Variants in ANGEL1 observed in about 807,000 individuals in gnomAD.
ANGEL1 encodes angel homolog 1, also known as RNA 2',3'-cyclic phosphatase ANGEL1.
In ANGEL1, 62 loss-of-function variants were observed where a neutral mutation model predicts 76.4. The observed-to-expected ratio is 0.81, with a 90% CI of 0.66 to 1.00. The LOEUF is 1.00. Ranked by LOEUF, ANGEL1 falls within the 50% of genes least tolerant of loss-of-function variation. The pLI is 0.00. For synonymous variants in ANGEL1, 340 were observed against 331.7 expected (o/e 1.03, Z -0.27); for missense variants, 737 against 836.7 (o/e 0.88, Z 1.47).
intron 1 of ANGEL1, chr14:76,812,182 G>C (rs1380161583): frequency 8.5e-6 from 8 of 945,926 alleles, no homozygotes; most frequent in Non-Finnish European, 1.0e-5. Context: ...CGCCGGGAGT[G>C]GGGGCAGGAA....
At chr14:76,812,705 G>T in intron 1 of ANGEL1, 59 bp downstream of exon 1, 1 of 1,456,358 alleles carries the variant, frequency 6.9e-7, no homozygotes. Flanking sequence ...CAGGCCCGCG[G>T]AGCCCCGCAG....
intron 7 of ANGEL1, among the ~76,000 whole-genome samples, chr14:76,794,446 C>T (rs891388915): frequency 6.6e-6 from 1 of 151,948 alleles, no homozygotes; most frequent in Non-Finnish European, 1.5e-5. Context: ...CTGGGGCGGA[C>T]GCATCATGAG....
chr14:76,789,694 ATT>A (rs1319022832), intron 9 of ANGEL1, among the ~76,000 whole-genome samples: 217 of 135,632 alleles, frequency 1.6e-3, no homozygotes, highest in African/African-American at 4.2e-3. Context: ...ATAAAATCTG[ATT>A]TTTTTTTTTT....
In ANGEL1 at chr14:76,809,505, C is replaced by T. The variant is rs766588642; in HGVS notation, c.203G>A (p.Gly68Glu). Reference protein sequence around the residue: ...EGLLQQWREEGLSQVLSTASE... With the variant: ...EGLLQQWREEELSQVLSTASE... The stretch of plus-strand genomic sequence containing the variant: ...TGCAGTTGAGAGCACCTGGCTCAAC[C>T]CTTCTTCTCGCCACTGCTGCAGCAG... Residue 68 changes from glycine (G) to glutamate (E), a missense_variant, in exon 2 of 10, where the codon GGG (glycine) becomes GAG (glutamate). Transcript: ENST00000251089. 6.2e-7 allele frequency: 1 copy of T among 1,614,264 alleles called. No homozygotes were observed. Among genetic ancestry groups the T allele is most frequent in the Non-Finnish European group, 8.5e-7 (1 of 1,180,048 alleles).
chr14:76,803,305 C>T (rs1461134783), intron 7 of ANGEL1, 66 bp downstream of exon 7: 7 of 1,302,318 alleles, frequency 5.4e-6, no homozygotes, highest in Non-Finnish European at 7.7e-6. Flanking sequence ...CAGGAAACCA[C>T]ATAACTGACC....
intron 7 of ANGEL1, among the ~76,000 whole-genome samples, chr14:76,794,670 C>CAA (rs71122578): frequency 7.2e-5 from 7 of 97,204 alleles, no homozygotes; most frequent in Non-Finnish European, 8.5e-5. Flanking sequence ...GACTCCATCT[C>CAA]AAAAAAAAAA....
intron 9 of ANGEL1, among the ~76,000 whole-genome samples, chr14:76,789,829 G>A (rs536529919): frequency 2.0e-5 from 3 of 150,656 alleles, no homozygotes; most frequent in Admixed American, 2.0e-4. Flanking sequence ...TGAGTAGCTG[G>A]GATTATAGGT....
At chr14:76,803,610 A>G (rs542850531) in intron 6 of ANGEL1, 129 bp from the exon 7 acceptor site, 4 of 1,359,854 alleles carry the variant, frequency 2.9e-6, no homozygotes, top group Non-Finnish European at 4.0e-6. Context: ...AGATTTTCCA[A>G]AGGCTATGAT....
intron 8 of ANGEL1, 42 bp downstream of exon 8, chr14:76,791,255 C>T: frequency 6.2e-7 from 1 of 1,606,600 alleles, no homozygotes; most frequent in Non-Finnish European, 8.5e-7. Flanking sequence ...TACACCTAGG[C>T]AAGGGCTGGA....
At chr14:76,805,566 A>G (rs549184909) in intron 5 of ANGEL1, among the ~76,000 whole-genome samples, 2 of 152,272 alleles carry the variant, frequency 1.3e-5, no homozygotes, top group South Asian at 4.1e-4. Flanking sequence ...AAGGAGATTA[A>G]GTGACATAAA....
intron 5 of ANGEL1, among the ~76,000 whole-genome samples, chr14:76,805,012 A>AAAATAAATAAATAAAT (rs59478597): frequency 4.8e-5 from 7 of 147,042 alleles, no homozygotes; most frequent in East Asian, 2.0e-4. Flanking sequence ...TCTGTCTCAA[A>AAAATAAATAAATAAAT]AAATAAATAA....
intron 7 of ANGEL1, among the ~76,000 whole-genome samples, chr14:76,798,220 G>A (rs1228796520): frequency 2.0e-5 from 3 of 151,866 alleles, no homozygotes; most frequent in South Asian, 2.1e-4. Flanking sequence ...AAACTTCTGG[G>A]CTCAAGTGAT....
intron 5 of ANGEL1, chr14:76,804,363 A>G: frequency 1.9e-6 from 2 of 1,048,440 alleles, no homozygotes; most frequent in Non-Finnish European, 2.3e-6. Flanking sequence ...GGAAAGCACC[A>G]AAGCACTTTA....
In ANGEL1 at chr14:76,806,748, CCA is replaced by C; in HGVS notation, c.1046_1047del (p.Val349GlyfsTer11). 1 of 1,614,138 alleles carries C rather than the reference CCA, an allele frequency of 6.2e-7. No homozygotes were observed. On this transcript the variant is annotated frameshift_variant, in exon 5 of 10. Coordinates refer to ENST00000251089, the MANE Select transcript of ANGEL1 (RefSeq NM_015305.4). LOFTEE classifies it high-confidence loss of function. ...AGCTCCAAGCCAGGCCGGAAGTACT[CCA>C]CAGGGCTAGCACAGAGCAGGCGGAA... ...TRFRLLCASP[V>X]EYFRPGLELL... is the part of the protein sequence containing the mutation.
Position 76,789,399 on chromosome 14 carries a change from A to C in ANGEL1, c.1853-11T>G. The C allele has an allele frequency of 6.2e-7, 1 of 1,613,982 alleles. No homozygotes were observed. The highest frequency in any genetic ancestry group is 8.5e-7 in the Non-Finnish European group (1 of 1,179,908). ...GATACAGCCTGTGATCTGGGGCACA[A>C]AGCAGAAGCCAATGGGTAAAAGCAG... is the stretch of plus-strand genomic sequence containing the variant. On this transcript the variant is annotated splice_polypyrimidine_tract_variant and intron_variant, in intron 9 of 9. Transcript: ENST00000251089.
chr14:76,789,196 G>T lies in ANGEL1; in HGVS notation c.*32C>A, dbSNP rs199922268. 1.2e-6 allele frequency: 2 copies of T among 1,612,266 alleles called. No homozygotes were observed. Among genetic ancestry groups the T allele is most frequent in the Admixed American group, 3.4e-5 (2 of 59,676 alleles). ...AGTCTCTGATCCAGTGAGCTCTTCT[G>T]GAAGAGAAGCTCTCTTCCCCTGGGA... is the stretch of plus-strand genomic sequence containing the variant. On this transcript the variant is annotated 3_prime_UTR_variant, in exon 10 of 10. Transcript: ENST00000251089.
At chr14:76,801,661 T>C (rs1006446814) in intron 7 of ANGEL1, among the ~76,000 whole-genome samples, 3 of 152,180 alleles carry the variant, frequency 2.0e-5, no homozygotes, top group Non-Finnish European at 4.4e-5. Flanking sequence ...TTTGTTTGGA[T>C]TTCCTTACCT....
At chr14:76,795,113 T>C (rs554932354) in intron 7 of ANGEL1, among the ~76,000 whole-genome samples, 3 of 152,280 alleles carry the variant, frequency 2.0e-5, no homozygotes, top group African/African-American at 7.2e-5. Flanking sequence ...TTAATCAAGA[T>C]GCTGTTTGGA....
At chr14:76,799,868 T>C (rs537959978) in intron 7 of ANGEL1, among the ~76,000 whole-genome samples, 26 of 147,218 alleles carry the variant, frequency 1.8e-4, no homozygotes, top group African/African-American at 6.6e-4. Flanking sequence ...ACTGTACCAC[T>C]GCACTCCAGC....
Sources: allele counts gnomAD v4.1 joint callset (sites outside exome capture counted in the v4.1 genomes callset), GRCh38; gene constraint gnomAD v4.1.1; transcripts MANE v1.5; gene names NCBI Gene and HGNC (gene_info 2026-07-23, HGNC 2026-07-21).